Variants in NAB1 observed in about 807,000 individuals in gnomAD.
NAB1 encodes NGFI-A-binding protein 1.
NAB1 carries 25 observed loss-of-function variants against 49.9 expected under a neutral mutation model. That is an observed-to-expected ratio of 0.50 (90% confidence interval 0.37 to 0.70). NAB1 has a LOEUF of 0.70. Among genes scored for constraint, NAB1 ranks in the 30% least tolerant of loss-of-function variants. The probability of loss-of-function intolerance (pLI) is 0.00; values close to 1 mark genes in which losing one functional copy is unlikely to be tolerated. For synonymous variants in NAB1, 198 were observed against 215.6 expected (o/e 0.92, Z 0.71); for missense variants, 489 against 575.9 (o/e 0.85, Z 1.54).
chr2:190,671,886 T>C (rs192181605), intron 5 of NAB1, among the ~76,000 whole-genome samples: 12 of 150,424 alleles, frequency 8.0e-5, no homozygotes, highest in Middle Eastern at 3.4e-3. Context: ...AGCGATTCTC[T>C]TGCCTCAGCC....
At chr2:190,673,987 T>G (rs2125760031) in intron 6 of NAB1, among the ~76,000 whole-genome samples, 1 of 152,342 alleles carries the variant, frequency 6.6e-6, no homozygotes, top group South Asian at 2.1e-4. Context: ...AGCCATCCTA[T>G]TATTTAATTT....
Position 190,690,404 on chromosome 2 carries a change from C to T in NAB1, c.*71C>T, listed in dbSNP as rs1695896768. Reference sequence around the variant, plus strand: ...GATAATACTCCATCATAGAAATAAGCCTTAATAACCAGTGTTGCCTCATTC... The same window carrying T: ...GATAATACTCCATCATAGAAATAAGTCTTAATAACCAGTGTTGCCTCATTC... On this transcript the variant is annotated 3_prime_UTR_variant, in exon 10 of 10. Transcript: ENST00000337386. 2 of 1,185,246 alleles carry T rather than the reference C, an allele frequency of 1.7e-6. No homozygotes were observed. The highest frequency in any genetic ancestry group is 2.5e-6 in the Non-Finnish European group (2 of 796,786). 73.4% of individuals were successfully genotyped at this position (1,185,246 alleles called of 1,614,324 possible). A position where few individuals can be genotyped will look rare whatever the true frequency, so the allele number is the denominator to read the frequency against.
Position 190,673,181 on chromosome 2 carries a change from CTGAT to C in NAB1, c.1005+30_1005+33del, listed in dbSNP as rs780500700. On this transcript the variant is annotated intron_variant, in intron 6 of 9. Coordinates refer to ENST00000337386, the MANE Select transcript of NAB1 (RefSeq NM_005966.4). ...TGGTCATATGTTACATTTTCTTATG[CTGAT>C]AATGTTTGCTTTTGTTTTAAGATCA... The C allele has an allele frequency of 3.8e-6, 6 of 1,598,662 alleles. No homozygotes were observed. In the South Asian group the frequency reaches 6.6e-5, roughly 18 times the overall value.
intron 7 of NAB1, 73 bp downstream of exon 7, chr2:190,683,900 C>A: frequency 8.3e-7 from 1 of 1,209,298 alleles, no homozygotes; most frequent in Non-Finnish European, 1.2e-6. Flanking sequence ...CTTCAACTAG[C>A]TTCAGTTTTA....
chr2:190,690,145 C>T, intron 9 of NAB1, 100 bp from the exon 10 acceptor site: 2 of 841,184 alleles, frequency 2.4e-6, no homozygotes, highest in Non-Finnish European at 3.9e-6. Flanking sequence ...ATAGTTGATA[C>T]TATTTGATAT....
At chr2:190,683,632 G>GT (rs1574476695) in intron 6 of NAB1, 106 bp from the exon 7 acceptor site, 1 of 698,586 alleles carries the variant, frequency 1.4e-6, no homozygotes, top group East Asian at 2.8e-5. Context: ...TCTTAATCAT[G>GT]ATTATTCAGG....
At position 190,675,902 on chromosome 2, in the gene NAB1, T is replaced by C. The variant is rs1400403508; in HGVS notation, c.1005+2750T>C. On this transcript the variant is annotated intron_variant, in intron 6 of 9. Coordinates refer to ENST00000337386, the MANE Select transcript of NAB1 (RefSeq NM_005966.4). The surrounding 1 kb of genome is among the most constrained non-coding windows in gnomAD (Gnocchi z 5.2). ...TGTATACCTACACATGTAGATGGTG[T>C]AATCCTTTGCAAAATATATAGTATT... Among the ~76,000 whole-genome samples, 1 of 152,216 alleles carries C rather than the reference T, an allele frequency of 6.6e-6. No homozygotes were observed. The highest frequency in any genetic ancestry group is 1.9e-4 in the East Asian group (1 of 5,204).
chr2:190,659,424 A>G lies in NAB1; in HGVS notation c.248A>G (p.Asn83Ser), dbSNP rs755696517. The change falls in exon 4 of 10, where the codon AAT becomes AGT. Residue 83 changes from asparagine (N) to serine (S), a missense_variant. Physicochemically the swap from Asn to Ser is conservative, Grantham distance 46 (BLOSUM62 1). This residue lies in a region of NAB1 where 204 missense variants were observed against 220.9 expected (regional missense o/e 0.92). Coordinates refer to ENST00000337386, the MANE Select transcript of NAB1 (RefSeq NM_005966.4). This position sits in a 1 kb window ranked among gnomAD's most constrained non-coding sequence, Gnocchi z 6.2. ...RDWVTNPGLF[N>S]QPLTSLPVSS... The stretch of plus-strand genomic sequence containing the variant: ...TGGGTCACAAACCCTGGGCTTTTCA[A>G]TCAGCCACTGACTTCCCTTCCTGTC... 3.1e-6 allele frequency: 5 copies of G among 1,614,200 alleles called. No homozygotes were observed. The highest frequency in any genetic ancestry group is 2.2e-5 in the East Asian group (1 of 44,886).
chr2:190,675,456 T>C lies in NAB1; in HGVS notation c.1005+2304T>C, dbSNP rs1318041550. ...AGTTTCTTATTAGAAGCACAAAGTGTTGGGCTGTAACATTAGATATGACCT... is the reference window on the plus strand; with the variant it reads ...AGTTTCTTATTAGAAGCACAAAGTGCTGGGCTGTAACATTAGATATGACCT... On this transcript the variant is annotated intron_variant, in intron 6 of 9. Transcript: ENST00000337386. The surrounding 1 kb of genome is among the most constrained non-coding windows in gnomAD (Gnocchi z 5.2). Among the ~76,000 whole-genome samples the C allele has an allele frequency of 6.6e-6, 1 of 152,236 alleles. No individual in the cohort carries two copies. Among genetic ancestry groups the C allele is most frequent in the Non-Finnish European group, 1.5e-5 (1 of 68,044 alleles).
chr2:190,652,369 TTGA>T lies in NAB1; in HGVS notation c.-197+2390_-197+2392del, dbSNP rs1559221343. ...GGGTACTTAATGTTTGTTGAATGAC[TTGA>T]TGGTTGGTTGGTTAAGAATTTCCAG... On this transcript the variant is annotated intron_variant, in intron 2 of 9. Coordinates refer to ENST00000337386, the MANE Select transcript of NAB1 (RefSeq NM_005966.4). This position sits in a 1 kb window ranked among gnomAD's most constrained non-coding sequence, Gnocchi z 4.2. Among the ~76,000 whole-genome samples, 1 of 152,200 alleles carries T rather than the reference TTGA, an allele frequency of 6.6e-6. No individual in the cohort carries two copies. Among genetic ancestry groups the T allele is most frequent in the African/African-American group, 2.4e-5 (1 of 41,450 alleles).
At position 190,682,939 on chromosome 2, in the gene NAB1, T is replaced by C. The variant is rs562821263; in HGVS notation, c.1006-799T>C. Among the ~76,000 whole-genome samples, 1 of 152,324 alleles carries C rather than the reference T, an allele frequency of 6.6e-6. No homozygotes were observed. Among genetic ancestry groups the C allele is most frequent in the South Asian group, 2.1e-4 (1 of 4,826 alleles). On this transcript the variant is annotated intron_variant, in intron 6 of 9. Transcript: ENST00000337386. The surrounding 1 kb of genome is among the most constrained non-coding windows in gnomAD (Gnocchi z 4.1). ...AGTAATTCTGCTTCTGGGAATCTTT[T>C]GTAGTAGATAATCTAAGCTATCGAA... is the stretch of plus-strand genomic sequence containing the variant.
intron 4 of NAB1, among the ~76,000 whole-genome samples, chr2:190,668,887 A>G (rs1694660071): frequency 2.6e-5 from 4 of 152,226 alleles, no homozygotes; most frequent in Admixed American, 2.6e-4. Context: ...ATACATGCAT[A>G]CCTATGATAA....
Position 190,652,727 on chromosome 2 carries a change from A to T in NAB1, c.-197+2745A>T, listed in dbSNP as rs1430604994. On this transcript the variant is annotated intron_variant, in intron 2 of 9. Coordinates refer to ENST00000337386, the MANE Select transcript of NAB1 (RefSeq NM_005966.4). The surrounding 1 kb of genome is among the most constrained non-coding windows in gnomAD (Gnocchi z 4.2). Reference sequence around the variant, plus strand: ...ATGGTACACCACTGAATGCTTACTAATATGTGTGCCTAGGTAAATCACTGG... The same window carrying T: ...ATGGTACACCACTGAATGCTTACTATTATGTGTGCCTAGGTAAATCACTGG... 6.6e-6 allele frequency among the ~76,000 whole-genome samples: 1 copy of T among 152,230 alleles called. No individual in the cohort carries two copies. Among genetic ancestry groups the T allele is most frequent in the Non-Finnish European group, 1.5e-5 (1 of 68,032 alleles).
rs751430122 is a variant in NAB1 at position 190,673,782 on chromosome 2, T to G, written c.1005+630T>G. ...TCACGGTTGAGGCTGCTCTTTTGAT[T>G]TTAGATTTGCAAGTGGTAAGGTGGG... On this transcript the variant is annotated intron_variant, in intron 6 of 9. Coordinates refer to ENST00000337386, the MANE Select transcript of NAB1 (RefSeq NM_005966.4). Among the ~76,000 whole-genome samples the G allele has an allele frequency of 2.6e-5, 4 of 152,356 alleles. No individual in the cohort carries two copies. The East Asian group carries it at 7.7e-4, about 29-fold the overall frequency.
At position 190,654,913 on chromosome 2, in the gene NAB1, G is replaced by C. The variant is rs1231463096; in HGVS notation, c.-196-1064G>C. 6.6e-6 allele frequency among the ~76,000 whole-genome samples: 1 copy of C among 152,196 alleles called. No homozygotes were observed. Among genetic ancestry groups the C allele is most frequent in the Non-Finnish European group, 1.5e-5 (1 of 68,024 alleles). ...CCAATGGTGCAACTGAAAGAACTAA[G>C]AGAGTTGGAAAGAGTAGACTTGGGA... On this transcript the variant is annotated intron_variant, in intron 2 of 9. Transcript: ENST00000337386. The surrounding 1 kb of genome is among the most constrained non-coding windows in gnomAD (Gnocchi z 5.6).
chr2:190,679,800 G>A lies in NAB1; in HGVS notation c.1006-3938G>A, dbSNP rs575173203. Among the ~76,000 whole-genome samples, 5 of 152,218 alleles carry A rather than the reference G, an allele frequency of 3.3e-5. No individual in the cohort carries two copies. The East Asian group carries it at 9.6e-4, about 29-fold the overall frequency. On this transcript the variant is annotated intron_variant, in intron 6 of 9. Transcript: ENST00000337386. This position sits in a 1 kb window ranked among gnomAD's most constrained non-coding sequence, Gnocchi z 5.3. ...CCAGAAACAGTATTGAGGCATTGGG[G>A]CTCATGGGGATTCTGATTGGTGCAC...
In NAB1 at chr2:190,657,460, T is replaced by C; in HGVS notation, c.-20+1307T>C. Among the ~76,000 whole-genome samples, 1 of 152,294 alleles carries C rather than the reference T, an allele frequency of 6.6e-6. No homozygotes were observed. The highest frequency in any genetic ancestry group is 2.4e-5 in the African/African-American group (1 of 41,562). On this transcript the variant is annotated intron_variant, in intron 3 of 9. Coordinates refer to ENST00000337386, the MANE Select transcript of NAB1 (RefSeq NM_005966.4). This position sits in a 1 kb window ranked among gnomAD's most constrained non-coding sequence, Gnocchi z 4.4. ...TCATATTTGCCTAATCATGGAAGTC[T>C]CCTGAGATGCATCTCAGGCACCTGG...
chr2:190,652,063 A>AACATGTTGT lies in NAB1; in HGVS notation c.-197+2083_-197+2084insATGTTGTAC, dbSNP rs1484037304. 6.6e-6 allele frequency among the ~76,000 whole-genome samples: 1 copy of AACATGTTGT among 152,214 alleles called. No individual in the cohort carries two copies. The highest frequency in any genetic ancestry group is 2.4e-5 in the African/African-American group (1 of 41,450). On this transcript the variant is annotated intron_variant, in intron 2 of 9. Transcript: ENST00000337386. The surrounding 1 kb of genome is among the most constrained non-coding windows in gnomAD (Gnocchi z 4.2). ...CCCTTTCTGATCTGACATGTTCAAT[A>AACATGTTGT]ACTCATACAACAGTAGAATATACTC... is the stretch of plus-strand genomic sequence containing the variant.
rs151227332 is a variant in NAB1 at position 190,659,535 on chromosome 2, C to T, written c.359C>T (p.Ala120Val). The T allele has an allele frequency of 5.0e-6, 8 of 1,614,076 alleles. No homozygotes were observed. The African/African-American group carries it at 1.1e-4, about 22-fold the overall frequency. Residue 120 changes from alanine (A) to valine (V), a missense_variant, in exon 4 of 10, where the codon GCC becomes GTC. Physicochemically the swap from Ala to Val is moderately conservative, Grantham distance 64 (BLOSUM62 0). Coordinates refer to ENST00000337386, the MANE Select transcript of NAB1 (RefSeq NM_005966.4). The surrounding 1 kb of genome is among the most constrained non-coding windows in gnomAD (Gnocchi z 6.2). ...AGTAGTTATGAAAGGAGTAGCAATG[C>T]CCGGGAACCTCATTTAAAAATCCCC... is the stretch of plus-strand genomic sequence containing the variant. The part of the protein sequence containing the change: ...SCSSYERSSN[A>V]REPHLKIPKC...
Sources: gnomAD v4.1 joint callset for allele counts (sites outside exome capture counted in the v4.1 genomes callset) on GRCh38, gnomAD v4.1.1 for gene constraint, gnomAD v4.1.1 regional missense constraint, Gnocchi (gnomAD v3.1) non-coding constraint, MANE v1.5 for transcripts, NCBI Gene and HGNC (gene_info 2026-07-23, HGNC 2026-07-21) for gene names.